The following TECRL variants were observed in gnomAD, a reference collection of about 807,000 sequenced individuals.
The protein encoded by TECRL is trans-2,3-enoyl-CoA reductase like.
A neutral mutation model predicts 52.8 loss-of-function variants in TECRL; 63 were observed. The observed-to-expected ratio is 1.19, with a 90% CI of 0.97 to 1.47. The LOEUF (loss-of-function observed/expected upper bound fraction) is 1.47. Ranked by LOEUF, TECRL falls within the 40% of genes most tolerant of loss-of-function variation. The pLI is 0.00. For missense variants in TECRL, 482 were observed against 429.6 expected (o/e 1.12, Z -1.08); for synonymous variants, 164 against 141.9 (o/e 1.16, Z -1.10).
At chr4:64,342,793 C>T (rs1719679307) in intron 2 of TECRL, among the ~76,000 whole-genome samples, 2 of 151,970 alleles carry the variant, frequency 1.3e-5, no homozygotes, top group African/African-American at 2.4e-5. Context: ...ATTAAATATA[C>T]TATTAAATTA....
chr4:64,348,819 A>G (rs138249806), intron 2 of TECRL, among the ~76,000 whole-genome samples: 335 of 152,152 alleles, frequency 2.2e-3, no homozygotes, highest in African/African-American at 7.8e-3. Flanking sequence ...GAGATTGACC[A>G]CTCTACATCC....
At chr4:64,288,485 C>T (rs1255804099) in intron 9 of TECRL, among the ~76,000 whole-genome samples, 3 of 151,964 alleles carry the variant, frequency 2.0e-5, no homozygotes, top group Non-Finnish European at 4.4e-5. Flanking sequence ...ATAAGCTGAT[C>T]GAAAATATAT....
intron 3 of TECRL, among the ~76,000 whole-genome samples, chr4:64,324,972 A>T (rs912414546): frequency 6.7e-6 from 1 of 149,816 alleles, no homozygotes; most frequent in African/African-American, 2.5e-5. Flanking sequence ...CATGGCTTTA[A>T]AAAATGAGAT....
At chr4:64,345,906 G>GCAAAAAAAAA (rs1719923103) in intron 2 of TECRL, among the ~76,000 whole-genome samples, 2 of 2,744 alleles carry the variant, frequency 7.3e-4, no homozygotes, top group African/African-American at 2.1e-3. Context: ...TGCCTCAACA[G>GCAAAAAAAAA]CAAAAAAAAA....
intron 1 of TECRL, among the ~76,000 whole-genome samples, chr4:64,395,179 C>G (rs1158213115): frequency 1.3e-5 from 2 of 151,992 alleles, no homozygotes; most frequent in African/African-American, 4.8e-5. Flanking sequence ...CTCAGCCCCC[C>G]AAATTGCTGG....
intron 1 of TECRL, among the ~76,000 whole-genome samples, chr4:64,391,464 T>C (rs1387642324): frequency 6.6e-6 from 1 of 151,874 alleles, no homozygotes; most frequent in East Asian, 1.9e-4. Flanking sequence ...GAGTCCTATA[T>C]GTATTAGGCA....
At position 64,406,139 on chromosome 4, in the gene TECRL, ATT is replaced by A. The variant is rs908460222; in HGVS notation, c.234+2977_234+2978del. Among the ~76,000 whole-genome samples, 10 of 133,812 alleles carry A rather than the reference ATT, an allele frequency of 7.5e-5. No homozygotes were observed. The South Asian group carries it at 2.5e-3, about 33-fold the overall frequency. 87.8% of individuals were successfully genotyped at this position (133,812 alleles called of 152,430 possible). ...AGCAGAGGCAAGAGAAAGCTTTTTT[ATT>A]TGTTAGGCGCGCGCGCGCGCGCGCG... On this transcript the variant is annotated intron_variant, in intron 1 of 11. Coordinates refer to ENST00000381210, the MANE Select transcript of TECRL (RefSeq NM_001010874.5).
intron 2 of TECRL, among the ~76,000 whole-genome samples, chr4:64,329,451 T>C (rs1718480370): frequency 6.6e-6 from 1 of 151,876 alleles, no homozygotes; most frequent in Non-Finnish European, 1.5e-5. Flanking sequence ...GGACAGAGCC[T>C]CTATTAATAG....
At chr4:64,379,750 G>A (rs573352328) in intron 1 of TECRL, among the ~76,000 whole-genome samples, 1 of 152,108 alleles carries the variant, frequency 6.6e-6, no homozygotes, top group South Asian at 2.1e-4. Context: ...TGCAGTATTT[G>A]TCTTTCAATG....
intron 1 of TECRL, among the ~76,000 whole-genome samples, chr4:64,392,606 C>G (rs758387620): frequency 6.6e-6 from 1 of 151,752 alleles, no homozygotes; most frequent in South Asian, 2.1e-4. Flanking sequence ...TTTTTTTAGT[C>G]GAGGCTGATA....
rs1722730422 is a variant in TECRL, at chr4:64,279,853, C to T, written c.*219G>A. The T allele has an allele frequency of 2.8e-6, 3 of 1,068,020 alleles. No individual in the cohort carries two copies. The highest frequency in any genetic ancestry group is 2.3e-6 in the Non-Finnish European group (2 of 883,880). The allele number at this position is 1,068,020 out of a possible 1,614,324, so 66.2% of individuals were successfully genotyped here. A position where few individuals can be genotyped will look rare whatever the true frequency, so the allele number is the denominator to read the frequency against. ...TTCAAGGACCAATCCCATGCAAATA[C>T]ATTCAGAGCTGTTCTTAGTTAATTG... On this transcript the variant is annotated 3_prime_UTR_variant, in exon 12 of 12. Transcript: ENST00000381210.
At chr4:64,388,347 A>T (rs1723320665) in intron 1 of TECRL, among the ~76,000 whole-genome samples, 1 of 148,798 alleles carries the variant, frequency 6.7e-6, no homozygotes, top group African/African-American at 2.5e-5. Flanking sequence ...AGATAACTTT[A>T]TTTGTGGGTT....
At chr4:64,401,534 C>A (rs1394667427) in intron 1 of TECRL, among the ~76,000 whole-genome samples, 4 of 152,280 alleles carry the variant, frequency 2.6e-5, no homozygotes, top group Admixed American at 2.6e-4. Context: ...TTTCCCTAGA[C>A]TTCTCAGTAT....
At chr4:64,404,356 T>G (rs1475524316) in intron 1 of TECRL, among the ~76,000 whole-genome samples, 1 of 152,050 alleles carries the variant, frequency 6.6e-6, no homozygotes, top group South Asian at 2.1e-4. Context: ...AGTTCTTGCA[T>G]GCTCTTCAAT....
chr4:64,392,939 G>C (rs913228116), intron 1 of TECRL, among the ~76,000 whole-genome samples: 4 of 151,804 alleles, frequency 2.6e-5, no homozygotes, highest in Non-Finnish European at 4.4e-5. Flanking sequence ...ATGTCTTCCA[G>C]CACCACCTCA....
At chr4:64,368,409 C>A (rs1201152848) in intron 2 of TECRL, among the ~76,000 whole-genome samples, 1 of 151,422 alleles carries the variant, frequency 6.6e-6, no homozygotes, top group Non-Finnish European at 1.5e-5. Context: ...GATTCTCCTG[C>A]CTCAGCCTCC....
intron 11 of TECRL, 98 bp from the exon 12 acceptor site, chr4:64,280,297 C>A: frequency 1.0e-6 from 1 of 990,056 alleles, no homozygotes; most frequent in Non-Finnish European, 1.4e-6. Flanking sequence ...TAAGATGTTT[C>A]TCAAATGTTG....
intron 2 of TECRL, among the ~76,000 whole-genome samples, chr4:64,339,690 T>C (rs1719412193): frequency 6.6e-6 from 1 of 152,082 alleles, no homozygotes; most frequent in South Asian, 2.1e-4. Flanking sequence ...CTGAAGATTC[T>C]CTGCTCTGCA....
At chr4:64,396,867 C>T (rs144993978) in intron 1 of TECRL, among the ~76,000 whole-genome samples, 418 of 152,202 alleles carry the variant, frequency 2.7e-3, no homozygotes, top group African/African-American at 9.4e-3. Context: ...CAGTCTTCTG[C>T]ATATGGTTAG....
Sources: allele counts gnomAD v4.1 joint callset (sites outside exome capture counted in the v4.1 genomes callset), GRCh38; gene constraint gnomAD v4.1.1; transcripts MANE v1.5; gene names NCBI Gene and HGNC (gene_info 2026-07-23, HGNC 2026-07-21).